Variants in CACNA2D2 observed in about 807,000 individuals in gnomAD.
CACNA2D2 encodes calcium voltage-gated channel auxiliary subunit alpha2delta 2, also known as voltage-dependent calcium channel subunit alpha-2/delta-2.
In CACNA2D2, 48 loss-of-function variants were observed where a neutral mutation model predicts 166.4. The ratio of observed to expected loss-of-function variants is 0.29; its 90% CI spans 0.23 to 0.37. The LOEUF is 0.37. Ranked by LOEUF, CACNA2D2 falls within the 10% of genes least tolerant of loss-of-function variation. The probability of loss-of-function intolerance (pLI) is 1.00; values close to 1 mark genes in which losing one functional copy is unlikely to be tolerated. For missense variants in CACNA2D2, 1,122 were observed against 1,433.0 expected (o/e 0.78, Z 3.50); for synonymous variants, 561 against 573.7 (o/e 0.98, Z 0.32).
chr3:50,429,771 A>G (rs578194137), intron 3 of CACNA2D2, among the ~76,000 whole-genome samples: 323 of 142,738 alleles, frequency 2.3e-3, no homozygotes, highest in African/African-American at 7.9e-3. Flanking sequence ...CTCCGTCTCG[A>G]AAAAAAAAAA....
intron 2 of CACNA2D2, 35 bp downstream of exon 2, chr3:50,476,083 G>A: frequency 6.6e-7 from 1 of 1,519,038 alleles, no homozygotes; most frequent in Non-Finnish European, 9.0e-7. Context: ...TTGGAAGAGG[G>A]TCCCTGAAGA....
intron 1 of CACNA2D2, among the ~76,000 whole-genome samples, chr3:50,487,946 T>C (rs1240830404): frequency 6.6e-6 from 1 of 151,944 alleles, no homozygotes; most frequent in Non-Finnish European, 1.5e-5. Context: ...GGCCTGTCCT[T>C]GGGAGCTTGG....
At chr3:50,411,573 C>T (rs374316660) in intron 3 of CACNA2D2, among the ~76,000 whole-genome samples, 31 of 152,332 alleles carry the variant, frequency 2.0e-4, no homozygotes, top group African/African-American at 7.0e-4. Flanking sequence ...CTTATGGGTA[C>T]CTGTTGTCCA....
chr3:50,373,485 G>A (rs1559882782), intron 22 of CACNA2D2, among the ~76,000 whole-genome samples: 2 of 129,584 alleles, frequency 1.5e-5, no homozygotes, highest in Non-Finnish European at 3.3e-5. Context: ...GAGAGGCAGG[G>A]GAGGAAGGAG....
intron 4 of CACNA2D2, among the ~76,000 whole-genome samples, chr3:50,391,366 C>T (rs957959793): frequency 3.9e-5 from 6 of 152,266 alleles, no homozygotes; most frequent in Non-Finnish European, 7.3e-5. Context: ...CCAGCTCCTC[C>T]CTGGTGGTGG....
intron 2 of CACNA2D2, among the ~76,000 whole-genome samples, chr3:50,441,130 C>T (rs1370542977): frequency 6.6e-6 from 1 of 151,972 alleles, no homozygotes; most frequent in African/African-American, 2.4e-5. Flanking sequence ...ACAGGGGGAT[C>T]CTCCAGGAAG....
chr3:50,461,026 C>G (rs1406891671), intron 2 of CACNA2D2, among the ~76,000 whole-genome samples: 2 of 151,748 alleles, frequency 1.3e-5, no homozygotes, highest in Non-Finnish European at 2.9e-5. Flanking sequence ...CTAGAAAGAA[C>G]AGAGAAATGA....
intron 3 of CACNA2D2, among the ~76,000 whole-genome samples, chr3:50,403,751 A>G (rs1009101577): frequency 1.3e-5 from 2 of 152,166 alleles, no homozygotes; most frequent in South Asian, 2.1e-4. Flanking sequence ...CCTTCCTGCC[A>G]TGCTGCGGTT....
intron 13 of CACNA2D2, 83 bp from the exon 14 acceptor site, chr3:50,378,416 T>A (rs1237373159): frequency 6.6e-6 from 9 of 1,364,256 alleles, no homozygotes; most frequent in Non-Finnish European, 9.2e-6. Flanking sequence ...GGGGTGTGTC[T>A]GCAGCCCTGC....
rs546423279 is a variant in CACNA2D2, at chr3:50,442,867, C to A, written c.289-8438G>T. 7.7e-4 allele frequency among the ~76,000 whole-genome samples: 117 copies of A among 152,332 alleles called. 1 individual carries two copies. The highest frequency in any genetic ancestry group is 2.1e-3 in the African/African-American group (88 of 41,584). On this transcript the variant is annotated intron_variant, in intron 2 of 37. Coordinates refer to ENST00000424201, the MANE Select transcript of CACNA2D2 (RefSeq NM_006030.4). ...AGCGTCCCTGGACAGTTCCAGCCTC[C>A]AGGCCTTTGTCTACTCAGATGGGCT...
At position 50,427,755 on chromosome 3, in the gene CACNA2D2, G is replaced by A. The variant is rs1408628765; in HGVS notation, c.405+6558C>T. On this transcript the variant is annotated intron_variant, in intron 3 of 37. Transcript: ENST00000424201. The surrounding 1 kb of genome is among the most constrained non-coding windows in gnomAD (Gnocchi z 4.7). The stretch of plus-strand genomic sequence containing the variant: ...CCCAGCCACAACCCAGAGCCACAGC[G>A]CTGGCAACTGTTCTACAAATGTTCA... Among the ~76,000 whole-genome samples the A allele has an allele frequency of 2.0e-5, 3 of 152,184 alleles. No individual in the cohort carries two copies. The highest frequency in any genetic ancestry group is 2.1e-4 in the South Asian group (1 of 4,830).
intron 4 of CACNA2D2, among the ~76,000 whole-genome samples, chr3:50,391,916 G>T (rs1281241600): frequency 1.3e-5 from 2 of 152,214 alleles, no homozygotes; most frequent in Non-Finnish European, 2.9e-5. Flanking sequence ...TGTCACTGCT[G>T]TGGGCTGTGG....
At chr3:50,496,153 G>A (rs1469763715) in intron 1 of CACNA2D2, among the ~76,000 whole-genome samples, 1 of 152,200 alleles carries the variant, frequency 6.6e-6, no homozygotes, top group Non-Finnish European at 1.5e-5. Context: ...GGTGGTGAAG[G>A]TGGGCACTAG....
intron 3 of CACNA2D2, among the ~76,000 whole-genome samples, chr3:50,408,667 C>T (rs571607220): frequency 2.6e-5 from 4 of 152,350 alleles, no homozygotes; most frequent in East Asian, 1.9e-4. Flanking sequence ...CCGTGGGACA[C>T]GGACTGCCAG....
intron 1 of CACNA2D2, among the ~76,000 whole-genome samples, chr3:50,484,040 A>G (rs530344054): frequency 6.6e-6 from 1 of 152,196 alleles, no homozygotes; most frequent in East Asian, 1.9e-4. Context: ...GGGGCCTCTC[A>G]AACTGAAAGT....
chr3:50,428,876 AGAG>A (rs1384997692), intron 3 of CACNA2D2, among the ~76,000 whole-genome samples: 1 of 152,222 alleles, frequency 6.6e-6, no homozygotes, highest in Non-Finnish European at 1.5e-5. Flanking sequence ...ATGGTAGCAC[AGAG>A]GAGGGCAGTG....
In CACNA2D2 at chr3:50,363,939, A is replaced by C. The variant is rs1300404003; in HGVS notation, c.*727T>G. On this transcript the variant is annotated 3_prime_UTR_variant, in exon 38 of 38. Coordinates refer to ENST00000424201, the MANE Select transcript of CACNA2D2 (RefSeq NM_006030.4). ...GGAGTGTGCAGGTGCCAACCCTCCCACCAACCCCTCGCCCTGTGTAAGGCT... is the reference window on the plus strand; with the variant it reads ...GGAGTGTGCAGGTGCCAACCCTCCCCCCAACCCCTCGCCCTGTGTAAGGCT... 1 of 152,202 alleles carries C rather than the reference A, an allele frequency of 6.6e-6. No homozygotes were observed. Among genetic ancestry groups the C allele is most frequent in the Admixed American group, 6.6e-5 (1 of 15,254 alleles). The allele number at this position is 152,202 out of a possible 1,614,324, so 9.4% of individuals were successfully genotyped here.
intron 1 of CACNA2D2, among the ~76,000 whole-genome samples, chr3:50,498,247 C>G (rs977321133): frequency 1.3e-5 from 2 of 152,176 alleles, no homozygotes; most frequent in African/African-American, 2.4e-5. Flanking sequence ...TAGCAACAAG[C>G]CCTTGAACGC....
rs1237726448 is a variant in CACNA2D2, at chr3:50,379,244, G to C, written c.1153-45C>G. 1.3e-6 allele frequency: 2 copies of C among 1,545,966 alleles called. No homozygotes were observed. Among genetic ancestry groups the C allele is most frequent in the Admixed American group, 3.3e-5 (2 of 59,722 alleles). On this transcript the variant is annotated intron_variant, in intron 11 of 37. Coordinates refer to ENST00000424201, the MANE Select transcript of CACNA2D2 (RefSeq NM_006030.4). This position sits in a 1 kb window ranked among gnomAD's most constrained non-coding sequence, Gnocchi z 6.5. Reference sequence around the variant, plus strand: ...GGCAGGCAGCTCTCAGCCCTCCCTGGTCCAGGGGCAGGGCCTCCCTCCCGC... The same window carrying C: ...GGCAGGCAGCTCTCAGCCCTCCCTGCTCCAGGGGCAGGGCCTCCCTCCCGC...
Sources: allele counts gnomAD v4.1 joint callset (sites outside exome capture counted in the v4.1 genomes callset), GRCh38; gene constraint gnomAD v4.1.1; non-coding constraint Gnocchi (gnomAD v3.1); transcripts MANE v1.5; gene names NCBI Gene and HGNC (gene_info 2026-07-23, HGNC 2026-07-21).